The following LIN28B variants were observed in gnomAD, a reference collection of about 807,000 sequenced individuals.
LIN28B encodes the protein lin-28 RNA binding posttranscriptional regulator B, also known as protein lin-28 homolog B.
In LIN28B, 5 loss-of-function variants were observed where a neutral mutation model predicts 21.9. The observed-to-expected ratio is 0.23, with a 90% CI of 0.12 to 0.48. The LOEUF is 0.48. LIN28B is among the 20% of genes least tolerant of loss of function. LIN28B has a pLI of 0.98. For missense variants in LIN28B, 245 were observed against 310.5 expected (o/e 0.79, Z 1.58); for synonymous variants, 109 against 111.3 (o/e 0.98, Z 0.13).
intron 2 of LIN28B, among the ~76,000 whole-genome samples, chr6:104,947,365 C>A (rs1385825516): frequency 1.3e-5 from 2 of 152,178 alleles, no homozygotes; most frequent in Admixed American, 1.3e-4. Flanking sequence ...CTCAAGTGAT[C>A]CACCTGCCTT....
rs1055637546 is a variant in LIN28B at position 105,066,476 on chromosome 6, T to C, written c.384-11938T>C. On this transcript the variant is annotated intron_variant, in intron 3 of 3. Transcript: ENST00000345080. Reference sequence around the variant, plus strand: ...TAAATTTGAAGCTGTTATCTAATCTTGTATGTACAGTACATCAGTCATGCC... The same window carrying C: ...TAAATTTGAAGCTGTTATCTAATCTCGTATGTACAGTACATCAGTCATGCC... Among the ~76,000 whole-genome samples the C allele has an allele frequency of 1.8e-4, 28 of 152,290 alleles. 1 individual carries two copies. The highest frequency in any genetic ancestry group is 6.8e-3 in the Middle Eastern group (2 of 294).
At chr6:104,957,368 A>G in intron 1 of LIN28B, 108 bp downstream of exon 1, 1 of 504,074 alleles carries the variant, frequency 2.0e-6, no homozygotes, top group Non-Finnish European at 3.2e-6. Flanking sequence ...CTTTTACCCC[A>G]ATACTGGGCA....
At chr6:105,042,446 T>A (rs902773555) in intron 3 of LIN28B, among the ~76,000 whole-genome samples, 23 of 152,214 alleles carry the variant, frequency 1.5e-4, no homozygotes, top group African/African-American at 5.5e-4. Flanking sequence ...TTTGTTTATA[T>A]GTTTCTTTAC....
intron 3 of LIN28B, among the ~76,000 whole-genome samples, chr6:105,068,257 C>G (rs1307879851): frequency 6.6e-6 from 1 of 152,146 alleles, no homozygotes; most frequent in Non-Finnish European, 1.5e-5. Context: ...TCATTGGCAT[C>G]TAATACAAAG....
intron 2 of LIN28B, among the ~76,000 whole-genome samples, chr6:105,020,544 C>T (rs981547964): frequency 1.3e-5 from 2 of 151,762 alleles, no homozygotes; most frequent in Admixed American, 6.6e-5. Flanking sequence ...GCCTAGAACT[C>T]CTGAGCTCAA....
chr6:104,969,485 A>C (rs997175688), intron 2 of LIN28B, among the ~76,000 whole-genome samples: 10 of 152,210 alleles, frequency 6.6e-5, no homozygotes, highest in Non-Finnish European at 1.0e-4. Flanking sequence ...ACAACTCTTT[A>C]TATTGGACAT....
intron 3 of LIN28B, among the ~76,000 whole-genome samples, chr6:105,037,754 G>A (rs546246652): frequency 3.3e-5 from 5 of 151,812 alleles, no homozygotes; most frequent in East Asian, 1.9e-4. Flanking sequence ...CAAGTGATCC[G>A]CCTGCCTCGG....
chr6:105,072,021 T>C (rs1318090166), intron 3 of LIN28B, among the ~76,000 whole-genome samples: 2 of 152,084 alleles, frequency 1.3e-5, no homozygotes, highest in African/African-American at 2.4e-5. Flanking sequence ...GATGGGATGC[T>C]CAAAGAAACA....
chr6:104,995,539 T>C (rs1770580890), intron 2 of LIN28B, among the ~76,000 whole-genome samples: 2 of 152,244 alleles, frequency 1.3e-5, no homozygotes, highest in East Asian at 1.9e-4. Flanking sequence ...GTTCTAGTTA[T>C]AGATATGGGA....
intron 2 of LIN28B, among the ~76,000 whole-genome samples, chr6:105,008,263 A>C (rs9500010): frequency 0.022 from 3,408 of 152,288 alleles, 153 homozygotes; most frequent in African/African-American, 0.079. Flanking sequence ...TGAAAATGAC[A>C]TTGTATCTTG....
chr6:104,983,728 T>C (rs1770273264), intron 2 of LIN28B, among the ~76,000 whole-genome samples: 1 of 152,012 alleles, frequency 6.6e-6, no homozygotes, highest in Non-Finnish European at 1.5e-5. Context: ...AGGCATGTAC[T>C]ACCATTCCTG....
At chr6:104,958,076 T>G in intron 1 of LIN28B, 23 bp from the exon 2 acceptor site, 1 of 1,511,880 alleles carries the variant, frequency 6.6e-7, no homozygotes, top group Non-Finnish European at 9.0e-7. Flanking sequence ...ACAGACTGAC[T>G]TTTTTGTCCT....
At chr6:105,041,280 C>T (rs1261742138) in intron 3 of LIN28B, among the ~76,000 whole-genome samples, 3 of 152,038 alleles carry the variant, frequency 2.0e-5, no homozygotes, top group Non-Finnish European at 2.9e-5. Context: ...TTAGGCATCT[C>T]GCGAATTTAC....
At chr6:105,067,766 C>T (rs986111774) in intron 3 of LIN28B, among the ~76,000 whole-genome samples, 4 of 152,108 alleles carry the variant, frequency 2.6e-5, no homozygotes, top group African/African-American at 9.7e-5. Flanking sequence ...ATTGATTTGA[C>T]ACAGAATCTA....
chr6:104,961,771 T>C (rs1443259905), intron 2 of LIN28B, among the ~76,000 whole-genome samples: 4 of 152,326 alleles, frequency 2.6e-5, no homozygotes, highest in African/African-American at 7.2e-5. Context: ...AAGTAATTAA[T>C]ACTCTTACCA....
rs112000024 is a variant in LIN28B at position 104,992,303 on chromosome 6, C to T, written c.199-33995C>T. Among the ~76,000 whole-genome samples, 556 of 152,166 alleles carry T rather than the reference C, an allele frequency of 3.7e-3. 4 individuals carry two copies. The highest frequency in any genetic ancestry group is 0.013 in the African/African-American group (532 of 41,512). ...GTGCAGTGACCTCAGGTGATCCGCC[C>T]ACCTTGGCCTCCCAAAGTGCTGGGA... On this transcript the variant is annotated intron_variant, in intron 2 of 3. Coordinates refer to ENST00000345080, the MANE Select transcript of LIN28B (RefSeq NM_001004317.4).
rs967527110 is a variant in LIN28B, at chr6:105,040,187, T to C, written c.383+13705T>C. ...AAGTGAGTTACATCTATAGATTTTA[T>C]GAAGTTAAAGCATTCTTACATTCCT... On this transcript the variant is annotated intron_variant, in intron 3 of 3. Transcript: ENST00000345080. 2.0e-5 allele frequency among the ~76,000 whole-genome samples: 3 copies of C among 152,178 alleles called. No individual in the cohort carries two copies. The South Asian group carries it at 6.2e-4, about 31-fold the overall frequency.
At chr6:105,050,994 C>G (rs1002523750) in intron 3 of LIN28B, among the ~76,000 whole-genome samples, 2 of 151,154 alleles carry the variant, frequency 1.3e-5, no homozygotes, top group African/African-American at 4.9e-5. Flanking sequence ...GTGGGAGGAT[C>G]GCTTGAGACC....
intron 3 of LIN28B, among the ~76,000 whole-genome samples, chr6:105,058,542 C>G (rs1379857788): frequency 6.6e-6 from 1 of 152,204 alleles, no homozygotes; most frequent in Non-Finnish European, 1.5e-5. Flanking sequence ...GAGGCTATTT[C>G]AGTGCTCCAC....
Sources: gnomAD v4.1 joint callset for allele counts (sites outside exome capture counted in the v4.1 genomes callset) on GRCh38, gnomAD v4.1.1 for gene constraint, MANE v1.5 for transcripts, NCBI Gene and HGNC (gene_info 2026-07-23, HGNC 2026-07-21) for gene names.